Variants in DDX6 observed in about 807,000 individuals in gnomAD.
DDX6 encodes probable ATP-dependent RNA helicase DDX6.
Under a neutral mutation model 60.6 loss-of-function variants are expected in DDX6, and 7 were observed. That is an observed-to-expected ratio of 0.12 (90% CI 0.07 to 0.22). The LOEUF is 0.22. DDX6 is among the 10% of genes least tolerant of loss of function. The pLI is 1.00. For missense variants in DDX6, 270 were observed against 589.9 expected (o/e 0.46, Z 5.62); for synonymous variants, 207 against 201.0 (o/e 1.03, Z -0.25).
chr11:118,760,064 C>A lies in DDX6; in HGVS notation c.742-20G>T. On this transcript the variant is annotated intron_variant, in intron 7 of 13. Coordinates refer to ENST00000534980, the MANE Select transcript of DDX6 (RefSeq NM_004397.6). ...ATCTGCCTGCAGTAGAAAGAAAAGACAATTTTAAAAACAATAAAATAATGT... is the reference window on the plus strand; with the variant it reads ...ATCTGCCTGCAGTAGAAAGAAAAGAAAATTTTAAAAACAATAAAATAATGT... The A allele has an allele frequency of 1.9e-6, 3 of 1,605,876 alleles. No homozygotes were observed. Among genetic ancestry groups the A allele is most frequent in the South Asian group, 1.1e-5 (1 of 89,918 alleles).
At chr11:118,788,111 G>A (rs1017212055) in intron 1 of DDX6, 2 of 151,654 alleles carry the variant, frequency 1.3e-5, no homozygotes, top group African/African-American at 4.8e-5. Flanking sequence ...AGGAGTTCAA[G>A]ACCACCTGAC....
At chr11:118,767,622 C>T (rs1861398032) in intron 5 of DDX6, 1 of 130,748 alleles carries the variant, frequency 7.6e-6, no homozygotes, top group Admixed American at 1.0e-4. Context: ...ATGACCTCAG[C>T]CGCCTTTTTT....
At chr11:118,784,284 C>T (rs746834609) in intron 2 of DDX6, among the ~76,000 whole-genome samples, 7 of 151,964 alleles carry the variant, frequency 4.6e-5, no homozygotes, top group Admixed American at 1.3e-4. Flanking sequence ...AAAATTAGTT[C>T]TTAGAGGTCC....
chr11:118,788,487 T>A (rs940893854), intron 1 of DDX6: 1 of 151,460 alleles, frequency 6.6e-6, no homozygotes, highest in Non-Finnish European at 1.5e-5. Context: ...AAGCTCCGCC[T>A]CCTGGGTTCA....
chr11:118,769,882 G>C (rs1452598046), intron 4 of DDX6, among the ~76,000 whole-genome samples: 1 of 151,192 alleles, frequency 6.6e-6, no homozygotes, highest in Non-Finnish European at 1.5e-5. Flanking sequence ...TTTTTTTTTT[G>C]TATTTTTAGT....
chr11:118,786,363 G>C lies in DDX6; in HGVS notation c.-112C>G. 1 of 940,762 alleles carries C rather than the reference G, an allele frequency of 1.1e-6. No individual in the cohort carries two copies. The highest frequency in any genetic ancestry group is 1.5e-6 in the Non-Finnish European group (1 of 647,350). The allele number at this position is 940,762 out of a possible 1,614,324, so 58.3% of individuals were successfully genotyped here. On this transcript the variant is annotated 5_prime_UTR_variant, in exon 2 of 14. Coordinates refer to ENST00000534980, the MANE Select transcript of DDX6 (RefSeq NM_004397.6). ...AAATGAAGAGATAAATATAAGTCTT[G>C]CTCAATAAATGAGTCCTTTATTGCA...
At position 118,750,785 on chromosome 11, in the gene DDX6, G is replaced by C. The variant is rs487728; in HGVS notation, c.*1320C>G. ...AAAATCAGAGCTTCTCAAAATAAATGTTGAATTATCAATGTTTTGAAGCTT... is the reference window on the plus strand; with the variant it reads ...AAAATCAGAGCTTCTCAAAATAAATCTTGAATTATCAATGTTTTGAAGCTT... On this transcript the variant is annotated 3_prime_UTR_variant, in exon 14 of 14. Transcript: ENST00000534980. 0.61 allele frequency: 93,106 copies of C among 151,810 alleles called. 29,180 individuals carry two copies. Among genetic ancestry groups the C allele is most frequent in the East Asian group, 0.7 (3,618 of 5,156 alleles). 9.4% of individuals were successfully genotyped at this position (151,810 alleles called of 1,614,324 possible).
intron 5 of DDX6, among the ~76,000 whole-genome samples, chr11:118,767,218 T>C (rs184557237): frequency 5.9e-5 from 9 of 152,340 alleles, no homozygotes; most frequent in African/African-American, 2.2e-4. Flanking sequence ...ACTTTCAGCA[T>C]GTTGAGTTCG....
At position 118,783,083 on chromosome 11, in the gene DDX6, T is replaced by C. The variant is rs150489156; in HGVS notation, c.201-1899A>G. On this transcript the variant is annotated intron_variant, in intron 2 of 13. Coordinates refer to ENST00000534980, the MANE Select transcript of DDX6 (RefSeq NM_004397.6). ...ATAATCTTATGAGATGAAAAAACTATTTAAAATGAGAAAGTAAGTGACGGA... is the reference window on the plus strand; with the variant it reads ...ATAATCTTATGAGATGAAAAAACTACTTAAAATGAGAAAGTAAGTGACGGA... Among the ~76,000 whole-genome samples, 6 of 108,808 alleles carry C rather than the reference T, an allele frequency of 5.5e-5. No homozygotes were observed. The East Asian group carries it at 1.8e-3, about 32-fold the overall frequency. The allele number at this position is 108,808 out of a possible 152,430, so 71.4% of individuals were successfully genotyped here.
At chr11:118,762,607 G>A (rs1336665491) in intron 7 of DDX6, among the ~76,000 whole-genome samples, 1 of 151,956 alleles carries the variant, frequency 6.6e-6, no homozygotes, top group Non-Finnish European at 1.5e-5. Context: ...CAGCATCATG[G>A]GAGTATCATA....
rs1425154491 is a variant in DDX6, at chr11:118,781,114, A to T, written c.264+7T>A. 3.1e-6 allele frequency: 5 copies of T among 1,587,834 alleles called. No individual in the cohort carries two copies. The highest frequency in any genetic ancestry group is 2.7e-5 in the African/African-American group (2 of 74,484). On this transcript the variant is annotated splice_region_variant and intron_variant, in intron 3 of 13. Transcript: ENST00000534980. Reference sequence around the variant, plus strand: ...ATTATTCTACTTGTATTTTACAACCAACTTACCGAAGTTTTGATTCTTAGA... The same window carrying T: ...ATTATTCTACTTGTATTTTACAACCTACTTACCGAAGTTTTGATTCTTAGA...
intron 9 of DDX6, among the ~76,000 whole-genome samples, chr11:118,758,286 A>G (rs1279934185): frequency 3.3e-5 from 5 of 152,370 alleles, no homozygotes; most frequent in African/African-American, 1.2e-4. Context: ...TCAAAAGTGT[A>G]TCTGTGACTT....
rs781915724 is a variant in DDX6 at position 118,756,338 on chromosome 11, T to C, written c.1111-15A>G. On this transcript the variant is annotated splice_polypyrimidine_tract_variant and intron_variant, in intron 10 of 13. Transcript: ENST00000534980. ...TTTCGATGTTCCTAGGAGAAAGCAA[T>C]GTATTCCATTTGATTAACACTCATA... 1 of 1,607,582 alleles carries C rather than the reference T, an allele frequency of 6.2e-7. No homozygotes were observed. The highest frequency in any genetic ancestry group is 8.5e-7 in the Non-Finnish European group (1 of 1,174,346).
intron 3 of DDX6, among the ~76,000 whole-genome samples, chr11:118,780,153 TTC>T (rs1325492484): frequency 1.6e-5 from 2 of 126,394 alleles, no homozygotes; most frequent in African/African-American, 5.6e-5. Context: ...GAAAGAAAAC[TTC>T]TCTGACTTTA....
intron 4 of DDX6, among the ~76,000 whole-genome samples, chr11:118,769,954 C>T (rs531011323): frequency 4.0e-5 from 6 of 151,862 alleles, no homozygotes; most frequent in East Asian, 1.9e-4. Context: ...GTGATCCACC[C>T]GCTTTGGCCT....
At chr11:118,769,735 C>T (rs985870758) in intron 4 of DDX6, among the ~76,000 whole-genome samples, 14 of 151,980 alleles carry the variant, frequency 9.2e-5, no homozygotes, top group African/African-American at 3.4e-4. Context: ...GACAGAGTCT[C>T]GCTCTGTCGC....
chr11:118,756,029 C>CA (rs1209323032), intron 11 of DDX6, among the ~76,000 whole-genome samples: 48 of 95,026 alleles, frequency 5.1e-4, no homozygotes, highest in East Asian at 8.1e-4. Context: ...CCCCCCCCCC[C>CA]AAAAAAAAGA....
At position 118,755,522 on chromosome 11, in the gene DDX6, A is replaced by G. The variant is rs781886912; in HGVS notation, c.1175-19T>C. On this transcript the variant is annotated intron_variant, in intron 11 of 13. Coordinates refer to ENST00000534980, the MANE Select transcript of DDX6 (RefSeq NM_004397.6). ...AACAGATCTTAAAAAAAAAAAGATA[A>G]TTTTCATTTTTTCAATTTAGAAATG... 35 of 1,392,440 alleles carry G rather than the reference A, an allele frequency of 2.5e-5. 2 individuals are homozygous for G. Among genetic ancestry groups the G allele is most frequent in the Admixed American group, 2.4e-4 (14 of 57,930 alleles). 86.3% of individuals were successfully genotyped at this position (1,392,440 alleles called of 1,614,324 possible).
chr11:118,752,016 T>C lies in DDX6; in HGVS notation c.*89A>G, dbSNP rs1356567975. On this transcript the variant is annotated 3_prime_UTR_variant, in exon 14 of 14. Transcript: ENST00000534980. ...GTCTTCATAGTTCCAAAATAAAAGATGAAAAACCCACAAAGAGAGGAGCAT... is the reference window on the plus strand; with the variant it reads ...GTCTTCATAGTTCCAAAATAAAAGACGAAAAACCCACAAAGAGAGGAGCAT... 3 of 314,834 alleles carry C rather than the reference T, an allele frequency of 9.5e-6. No individual in the cohort carries two copies. Among genetic ancestry groups the C allele is most frequent in the South Asian group, 2.6e-5 (1 of 39,008 alleles). 19.5% of individuals were successfully genotyped at this position (314,834 alleles called of 1,614,324 possible). A position where few individuals can be genotyped will look rare whatever the true frequency, so the allele number is the denominator to read the frequency against.
Sources: gnomAD v4.1 joint callset for allele counts (sites outside exome capture counted in the v4.1 genomes callset) on GRCh38, gnomAD v4.1.1 for gene constraint, MANE v1.5 for transcripts, NCBI Gene and HGNC (gene_info 2026-07-23, HGNC 2026-07-21) for gene names.